HIF1AN: variants seen among roughly 807,000 people sequenced by gnomAD.
HIF1AN encodes hypoxia-inducible factor 1-alpha inhibitor.
A neutral mutation model predicts 47.7 loss-of-function variants in HIF1AN; 21 were observed. The observed-to-expected ratio is 0.44, with a 90% CI of 0.31 to 0.63. HIF1AN has a LOEUF of 0.63. HIF1AN is among the 30% of genes least tolerant of loss of function. HIF1AN has a pLI of 0.07. For missense variants in HIF1AN, 320 were observed against 432.7 expected, an observed-to-expected ratio of 0.74 and a Z score of 2.31; for synonymous variants, 152 against 155.9, an observed-to-expected ratio of 0.98 and a Z score of 0.18.
intron 3 of HIF1AN, among the ~76,000 whole-genome samples, chr10:100,543,293 G>A (rs953260746): frequency 8.6e-5 from 13 of 151,970 alleles, no homozygotes; most frequent in African/African-American, 3.1e-4. Flanking sequence ...AGTCTCAAAC[G>A]ATCCTCCCAC....
Position 100,557,819 on chromosome 10 carries a change from C to G in HIF1AN, c.*9682C>G, listed in dbSNP as rs1459834589. 1 of 143,496 alleles carries G rather than the reference C, an allele frequency of 7.0e-6. No individual in the cohort carries two copies. The highest frequency in any genetic ancestry group is 2.0e-4 in the East Asian group (1 of 5,040). The allele number at this position is 143,496 out of a possible 1,614,324, so 8.9% of individuals were successfully genotyped here. The stretch of plus-strand genomic sequence containing the variant: ...AACTCATTAACTAACTAAGTTAATT[C>G]AGAACTTAGTGCCTAGTAAGTGCTC... On this transcript the variant is annotated 3_prime_UTR_variant, in exon 8 of 8. Transcript: ENST00000299163.
rs1843009909 is a variant in HIF1AN, at chr10:100,540,044, T to A, written c.429-590T>A. Reference sequence around the variant, plus strand: ...ATTTTTTGAGATGGTGTCTTGCTCTTGTCACCCAGGCTGGAGTGCAATGGC... The same window carrying A: ...ATTTTTTGAGATGGTGTCTTGCTCTAGTCACCCAGGCTGGAGTGCAATGGC... On this transcript the variant is annotated intron_variant, in intron 2 of 7. Transcript: ENST00000299163. Among the ~76,000 whole-genome samples the A allele has an allele frequency of 2.6e-5, 4 of 152,266 alleles. No homozygotes were observed. In the South Asian group the frequency reaches 8.3e-4, roughly 32 times the overall value.
rs1843145381 is a variant in HIF1AN, at chr10:100,550,354, C to T, written c.*2217C>T. On this transcript the variant is annotated 3_prime_UTR_variant, in exon 8 of 8. Transcript: ENST00000299163. ...CCTAATATGTGCCTAGTGCTTTTCTCTTTGTTCCTCACTATCCTGCAAGGT... is the reference window on the plus strand; with the variant it reads ...CCTAATATGTGCCTAGTGCTTTTCTTTTTGTTCCTCACTATCCTGCAAGGT... The T allele has an allele frequency of 6.6e-6, 1 of 152,210 alleles. No homozygotes were observed. Among genetic ancestry groups the T allele is most frequent in the Non-Finnish European group, 1.5e-5 (1 of 68,044 alleles). The allele number at this position is 152,210 out of a possible 1,614,324, so 9.4% of individuals were successfully genotyped here.
chr10:100,545,210 C>A, intron 4 of HIF1AN, 114 bp downstream of exon 4: 1 of 1,121,558 alleles, frequency 8.9e-7, no homozygotes, highest in Non-Finnish European at 1.3e-6. Flanking sequence ...ACAGGCTGTT[C>A]TTGCCTTAAC....
chr10:100,542,953 T>C (rs1843057667), intron 3 of HIF1AN, among the ~76,000 whole-genome samples: 4 of 151,142 alleles, frequency 2.6e-5, no homozygotes, highest in Admixed American at 2.6e-4. Flanking sequence ...CTCATTCTTA[T>C]TTTTATTTCT....
intron 1 of HIF1AN, 93 bp downstream of exon 1, chr10:100,536,228 G>C: frequency 7.3e-7 from 1 of 1,362,752 alleles, no homozygotes; most frequent in Non-Finnish European, 1.0e-6. Context: ...GACTGGCAGG[G>C]CTCTAGACTA....
chr10:100,537,568 A>G (rs1270524666), intron 2 of HIF1AN, among the ~76,000 whole-genome samples: 1 of 152,256 alleles, frequency 6.6e-6, no homozygotes, highest in Non-Finnish European at 1.5e-5. Context: ...CACAAGACAC[A>G]CAAGACAGTG....
At chr10:100,536,266 C>A in intron 1 of HIF1AN, 131 bp downstream of exon 1, 2 of 1,276,120 alleles carry the variant, frequency 1.6e-6, no homozygotes, top group Non-Finnish European at 2.2e-6. Flanking sequence ...GAGAGAAAGG[C>A]GAGGAGATAC....
intron 2 of HIF1AN, 141 bp from the exon 3 acceptor site, chr10:100,540,493 T>C: frequency 1.2e-6 from 1 of 800,544 alleles, no homozygotes; most frequent in South Asian, 1.6e-5. Flanking sequence ...AGAATCCATG[T>C]TGGCTAAAAT....
In HIF1AN at chr10:100,537,511, G is replaced by A. The variant is rs142263765; in HGVS notation, c.428+850G>A. Among the ~76,000 whole-genome samples, 767 of 152,332 alleles carry A rather than the reference G, an allele frequency of 5.0e-3. 13 individuals are homozygous for A. The highest frequency in any genetic ancestry group is 0.017 in the African/African-American group (708 of 41,578). On this transcript the variant is annotated intron_variant, in intron 2 of 7. Transcript: ENST00000299163. ...CAGTAAAGAAGGTTAGGATTCTCTA[G>A]CTTAGGGAAGATCAGATTAAATTTG...
At chr10:100,537,715 G>A (rs1299746526) in intron 2 of HIF1AN, among the ~76,000 whole-genome samples, 1 of 152,148 alleles carries the variant, frequency 6.6e-6, no homozygotes, top group Non-Finnish European at 1.5e-5. Flanking sequence ...TTACCCTCTC[G>A]CATTTGGTGT....
chr10:100,537,942 A>G (rs922826644), intron 2 of HIF1AN, among the ~76,000 whole-genome samples: 1 of 152,232 alleles, frequency 6.6e-6, no homozygotes, highest in African/African-American at 2.4e-5. Flanking sequence ...TGGTTCAGTT[A>G]TCTCATGCAT....
intron 3 of HIF1AN, among the ~76,000 whole-genome samples, chr10:100,542,331 G>A (rs1356892030): frequency 6.6e-6 from 1 of 151,912 alleles, no homozygotes; most frequent in Non-Finnish European, 1.5e-5. Flanking sequence ...TTTTTTTAGT[G>A]TAAATTCAAC....
rs957904332 is a variant in HIF1AN, at chr10:100,551,322, G to T, written c.*3185G>T. ...TGATTAGACACAGGATGAAGGAAAA[G>T]AAATTTGACAATTAGGAATGAGCGA... On this transcript the variant is annotated 3_prime_UTR_variant, in exon 8 of 8. Coordinates refer to ENST00000299163, the MANE Select transcript of HIF1AN (RefSeq NM_017902.3). 1 of 152,264 alleles carries T rather than the reference G, an allele frequency of 6.6e-6. No homozygotes were observed. The highest frequency in any genetic ancestry group is 1.9e-4 in the East Asian group (1 of 5,198). The allele number at this position is 152,264 out of a possible 1,614,324, so 9.4% of individuals were successfully genotyped here. A position where few individuals can be genotyped will look rare whatever the true frequency, so the allele number is the denominator to read the frequency against.
At chr10:100,540,325 C>G (rs1210595128) in intron 2 of HIF1AN, among the ~76,000 whole-genome samples, 2 of 152,158 alleles carry the variant, frequency 1.3e-5, no homozygotes, top group African/African-American at 4.8e-5. Context: ...CTTTGGGAGG[C>G]AGAAGCAGGA....
At position 100,548,150 on chromosome 10, in the gene HIF1AN, C is replaced by A; in HGVS notation, c.*13C>A. The A allele has an allele frequency of 6.2e-7, 1 of 1,603,446 alleles. No homozygotes were observed. Among genetic ancestry groups the A allele is most frequent in the South Asian group, 1.1e-5 (1 of 89,296 alleles). On this transcript the variant is annotated 3_prime_UTR_variant, in exon 8 of 8. Coordinates refer to ENST00000299163, the MANE Select transcript of HIF1AN (RefSeq NM_017902.3). ...CCGATACAACTAGCCTGCCAGGGGTCAAGGCCTCCTGCCAGGTGACTGCTA... is the reference window on the plus strand; with the variant it reads ...CCGATACAACTAGCCTGCCAGGGGTAAAGGCCTCCTGCCAGGTGACTGCTA...
At chr10:100,543,310 C>T (rs776209970) in intron 3 of HIF1AN, among the ~76,000 whole-genome samples, 4 of 152,166 alleles carry the variant, frequency 2.6e-5, no homozygotes, top group Non-Finnish European at 4.4e-5. Context: ...CCACCTCACC[C>T]TTCCAAGTAG....
Position 100,550,033 on chromosome 10 carries a change from CT to C in HIF1AN, c.*1900del, listed in dbSNP as rs1843141797. 1 of 152,206 alleles carries C rather than the reference CT, an allele frequency of 6.6e-6. No individual in the cohort carries two copies. The highest frequency in any genetic ancestry group is 2.1e-4 in the South Asian group (1 of 4,830). 9.4% of individuals were successfully genotyped at this position (152,206 alleles called of 1,614,324 possible). On this transcript the variant is annotated 3_prime_UTR_variant, in exon 8 of 8. Transcript: ENST00000299163. The stretch of plus-strand genomic sequence containing the variant: ...TGCAGTGATCTCTATCTCTCCACTT[CT>C]TTTGGGAAAGAGGAGCACAGGAGCG...
intron 6 of HIF1AN, among the ~76,000 whole-genome samples, chr10:100,546,840 A>G (rs1843098823): frequency 6.6e-6 from 1 of 151,990 alleles, no homozygotes; most frequent in Non-Finnish European, 1.5e-5. Flanking sequence ...CCCGGGTTCA[A>G]GTGATTCTCC....
Sources: gnomAD v4.1 joint callset for allele counts (sites outside exome capture counted in the v4.1 genomes callset) on GRCh38, gnomAD v4.1.1 for gene constraint, MANE v1.5 for transcripts, NCBI Gene and HGNC (gene_info 2026-07-23, HGNC 2026-07-21) for gene names.